The following NCR1 variants were observed in gnomAD, a reference collection of about 807,000 sequenced individuals.
NCR1 encodes natural cytotoxicity triggering receptor 1.
In NCR1, 30 loss-of-function variants were observed where a neutral mutation model predicts 32.5. The observed-to-expected ratio is 0.92, with a 90% CI of 0.69 to 1.25. The LOEUF is 1.25. Among genes scored for constraint, NCR1 ranks in the 50% most tolerant of loss-of-function variants. The probability of loss-of-function intolerance (pLI) is 0.00; values close to 1 mark genes in which losing one functional copy is unlikely to be tolerated. For synonymous variants in NCR1, 169 were observed against 143.4 expected, an observed-to-expected ratio of 1.18 and a Z score of -1.28; for missense variants, 369 against 380.7, an observed-to-expected ratio of 0.97 and a Z score of 0.26.
the NCR1 span, chr19:54,934,430 C>G: frequency 6.4e-7 from 1 of 1,572,358 alleles, no homozygotes; most frequent in African/African-American, 1.3e-5. The surrounding 1 kb of genome is among the most constrained non-coding windows in gnomAD (Gnocchi z 6.7). Flanking sequence ...AGGTGTTACC[C>G]TTTCTCTTCT....
At chr19:54,911,088 T>C (rs2067949266) in intron 5 of NCR1, among the ~76,000 whole-genome samples, 1 of 152,112 alleles carries the variant, frequency 6.6e-6, no homozygotes, top group South Asian at 2.1e-4. Flanking sequence ...GGCTCACGCC[T>C]GTAATCCCAG....
the NCR1 span, chr19:54,933,866 G>A: frequency 2.8e-4 from 232 of 824,956 alleles, 1 homozygote; most frequent in East Asian, 3.7e-3. Flanking sequence ...CCTCTGTCCT[G>A]TGGGAGTCAT....
At chr19:54,911,044 C>A (rs1043299427) in intron 5 of NCR1, among the ~76,000 whole-genome samples, 1 of 151,908 alleles carries the variant, frequency 6.6e-6, no homozygotes, top group Non-Finnish European at 1.5e-5. Flanking sequence ...CTGGGGCGCA[C>A]GGCTAGGATT....
chr19:54,936,401 G>A, the NCR1 span: 13 of 1,614,152 alleles, frequency 8.1e-6, no homozygotes, highest in East Asian at 2.5e-4. Flanking sequence ...AGAAGTCCCG[G>A]TACGCGGTGT....
the NCR1 span, chr19:54,924,011 A>G: frequency 1.1e-6 from 1 of 907,278 alleles, no homozygotes; most frequent in South Asian, 1.4e-5. Flanking sequence ...TCTGTTGCCC[A>G]GGCTGGGGTA....
At chr19:54,901,675 T>A (rs1174387600), upstream of NCR1, among the ~76,000 whole-genome samples, 2 of 152,114 alleles carry the variant, frequency 1.3e-5, no homozygotes, top group Non-Finnish European at 2.9e-5. Flanking sequence ...ATAGTTTTAT[T>A]TTTTAAAGGA....
the NCR1 span, among the ~76,000 whole-genome samples, chr19:54,900,779 G>T: frequency 1.3e-5 from 2 of 152,122 alleles, no homozygotes; most frequent in African/African-American, 4.8e-5. Flanking sequence ...ATGAGTGGTT[G>T]CCTAGGGCCG....
downstream of NCR1, among the ~76,000 whole-genome samples, chr19:54,914,019 G>A (rs1474401905): frequency 3.4e-5 from 5 of 148,558 alleles, no homozygotes; most frequent in East Asian, 1.0e-3. Context: ...AGGGAGCCAA[G>A]ATCGCACCAC....
chr19:54,934,342 C>T, the NCR1 span: 1 of 821,622 alleles, frequency 1.2e-6, no homozygotes, highest in East Asian at 2.4e-5. This position sits in a 1 kb window ranked among gnomAD's most constrained non-coding sequence, Gnocchi z 6.7. Flanking sequence ...GCTGAGATTA[C>T]AGGCAGGAGC....
intron 2 of NCR1, 25 bp downstream of exon 2, chr19:54,906,359 G>C: frequency 6.2e-7 from 1 of 1,612,292 alleles, no homozygotes; most frequent in Non-Finnish European, 8.5e-7. Flanking sequence ...CAAAGCCCAG[G>C]GTCACTCTTC....
chr19:54,911,026 G>A (rs1366769862), intron 5 of NCR1, among the ~76,000 whole-genome samples: 1 of 152,064 alleles, frequency 6.6e-6, no homozygotes, highest in Non-Finnish European at 1.5e-5. Context: ...GATGACGGTG[G>A]GATGGGCCTG....
At chr19:54,922,550 G>A in the NCR1 span, among the ~76,000 whole-genome samples, 2 of 151,914 alleles carry the variant, frequency 1.3e-5, no homozygotes. Flanking sequence ...GGCTGAGGCG[G>A]GTAGATCACC....
At chr19:54,936,440 A>G in the NCR1 span, 1 of 1,612,372 alleles carries the variant, frequency 6.2e-7, no homozygotes, top group Non-Finnish European at 8.5e-7. Flanking sequence ...TCCTAGGGAA[A>G]AGCAGAAGAG....
the NCR1 span, among the ~76,000 whole-genome samples, chr19:54,935,526 T>C: frequency 6.6e-6 from 1 of 151,964 alleles, no homozygotes; most frequent in Non-Finnish European, 1.5e-5. Flanking sequence ...TGAAACCCTG[T>C]CTCTATTAAA....
upstream of NCR1, among the ~76,000 whole-genome samples, chr19:54,903,285 C>CAT (rs2067334346): frequency 1.4e-5 from 2 of 140,364 alleles, no homozygotes; most frequent in African/African-American, 5.3e-5. Context: ...TATGTATATA[C>CAT]ATATATACAC....
chr19:54,899,272 A>G, the NCR1 span, among the ~76,000 whole-genome samples: 2 of 152,212 alleles, frequency 1.3e-5, no homozygotes, highest in African/African-American at 4.8e-5. Flanking sequence ...GTCAAGCAGC[A>G]TTGCAGAAGA....
At chr19:54,926,220 G>GTGTA in the NCR1 span, among the ~76,000 whole-genome samples, 2 of 150,328 alleles carry the variant, frequency 1.3e-5, no homozygotes, top group African/African-American at 4.9e-5. Context: ...GTGTGTGTGT[G>GTGTA]TGTGTGTGCT....
downstream of NCR1, among the ~76,000 whole-genome samples, chr19:54,917,335 A>G (rs1399063721): frequency 6.6e-6 from 1 of 151,062 alleles, no homozygotes; most frequent in Admixed American, 6.6e-5. Flanking sequence ...AACAAAAACA[A>G]AAAAACTACA....
chr19:54,917,098 G>A (rs1217615251), downstream of NCR1, among the ~76,000 whole-genome samples: 3 of 151,738 alleles, frequency 2.0e-5, no homozygotes, highest in Non-Finnish European at 4.4e-5. Context: ...CCTCCTCGAA[G>A]GACTCACTTC....
Sources: gnomAD v4.1 joint callset for allele counts (sites outside exome capture counted in the v4.1 genomes callset) on GRCh38, gnomAD v4.1.1 for gene constraint, Gnocchi (gnomAD v3.1) non-coding constraint, MANE v1.5 for transcripts, NCBI Gene and HGNC (gene_info 2026-07-23, HGNC 2026-07-21) for gene names.